The following PTPRN2 variants were observed in gnomAD, a reference collection of about 807,000 sequenced individuals.
The protein encoded by PTPRN2 is protein tyrosine phosphatase receptor type N2, also known as receptor-type tyrosine-protein phosphatase N2.
PTPRN2 carries 74 observed loss-of-function variants against 118.8 expected under a neutral mutation model. The ratio of observed to expected loss-of-function variants is 0.62; its 90% CI spans 0.52 to 0.76. The LOEUF (loss-of-function observed/expected upper bound fraction) is 0.76, where lower values mean the gene tolerates loss of function less well. PTPRN2 is among the 30% of genes least tolerant of loss of function. PTPRN2 has a pLI of 0.00. For missense variants in PTPRN2, 1,481 were observed against 1,394.4 expected, an observed-to-expected ratio of 1.06 and a Z score of -0.99; for synonymous variants, 641 against 608.0, an observed-to-expected ratio of 1.05 and a Z score of -0.80.
rs1332049554 is a variant in PTPRN2, at chr7:157,690,334, G to C, written c.1789-7397C>G. Among the ~76,000 whole-genome samples the C allele has an allele frequency of 6.6e-6, 1 of 152,210 alleles. No homozygotes were observed. Among genetic ancestry groups the C allele is most frequent in the African/African-American group, 2.4e-5 (1 of 41,462 alleles). ...TCCTGCGGCGAGGCAGAGACCCCCT[G>C]AACTGAGCTCTCCGACGCCCTAGTT... On this transcript the variant is annotated intron_variant, in intron 12 of 22. Transcript: ENST00000389418. The surrounding 1 kb of genome is among the most constrained non-coding windows in gnomAD (Gnocchi z 7.1).
At chr7:158,261,102 A>C (rs929937938) in intron 3 of PTPRN2, among the ~76,000 whole-genome samples, 7 of 152,122 alleles carry the variant, frequency 4.6e-5, no homozygotes, top group African/African-American at 1.7e-4. Flanking sequence ...CGACTGGCTG[A>C]GTCTGTGTCA....
intron 2 of PTPRN2, among the ~76,000 whole-genome samples, chr7:158,323,608 T>G (rs1418055397): frequency 6.6e-6 from 1 of 152,226 alleles, no homozygotes; most frequent in Non-Finnish European, 1.5e-5. Flanking sequence ...GCATTTTCTG[T>G]GGTTGGATTT....
intron 9 of PTPRN2, among the ~76,000 whole-genome samples, chr7:158,114,568 C>T (rs1381302859): frequency 6.6e-6 from 1 of 152,166 alleles, no homozygotes; most frequent in African/African-American, 2.4e-5. Flanking sequence ...CCAGGCTGAG[C>T]CAGGAGCTAT....
intron 13 of PTPRN2, among the ~76,000 whole-genome samples, chr7:157,673,578 C>A (rs939892172): frequency 6.6e-6 from 1 of 152,022 alleles, no homozygotes; most frequent in Admixed American, 6.5e-5. Flanking sequence ...CCTCCATTTC[C>A]CTTGTGCATC....
At chr7:157,842,045 G>C (rs924031724) in intron 12 of PTPRN2, among the ~76,000 whole-genome samples, 1 of 152,136 alleles carries the variant, frequency 6.6e-6, no homozygotes, top group Non-Finnish European at 1.5e-5. Context: ...AAGTATCTTA[G>C]ACCTCCCAGT....
Position 158,454,625 on chromosome 7 carries a change from A to G in PTPRN2, c.163+35110T>C, listed in dbSNP as rs372218233. On this transcript the variant is annotated intron_variant, in intron 2 of 22. Coordinates refer to ENST00000389418, the MANE Select transcript of PTPRN2 (RefSeq NM_002847.5). ...ACAAGACACAACGCACACAATCACC[A>G]ATGTCAGGATTGGGGATGGTTGCTA... 6.8e-3 allele frequency among the ~76,000 whole-genome samples: 847 copies of G among 124,946 alleles called. 6 individuals are homozygous for G. Among genetic ancestry groups the G allele is most frequent in the South Asian group, 0.061 (221 of 3,612 alleles). The allele number at this position is 124,946 out of a possible 152,430, so 82.0% of individuals were successfully genotyped here.
At chr7:158,121,501 A>C (rs980409887) in intron 9 of PTPRN2, among the ~76,000 whole-genome samples, 3 of 152,152 alleles carry the variant, frequency 2.0e-5, no homozygotes, top group Non-Finnish European at 4.4e-5. Flanking sequence ...CCCCCTGCGG[A>C]GCATAAGCCA....
At chr7:157,950,306 G>A (rs1421766653) in intron 11 of PTPRN2, among the ~76,000 whole-genome samples, 1 of 152,210 alleles carries the variant, frequency 6.6e-6, no homozygotes, top group Non-Finnish European at 1.5e-5. Context: ...GCGTTTCTGA[G>A]TGAACGGAGG....
chr7:157,770,910 C>T (rs1007051783), intron 12 of PTPRN2, among the ~76,000 whole-genome samples: 3 of 152,246 alleles, frequency 2.0e-5, no homozygotes, highest in Non-Finnish European at 4.4e-5. Flanking sequence ...CACCTGCCCC[C>T]GAGGTGAGAC....
chr7:157,843,817 G>A lies in PTPRN2; in HGVS notation c.1788+54856C>T, dbSNP rs187639660. Among the ~76,000 whole-genome samples, 144 of 152,322 alleles carry A rather than the reference G, an allele frequency of 9.5e-4. 1 individual carries two copies. Among genetic ancestry groups the A allele is most frequent in the African/African-American group, 3.2e-3 (133 of 41,558 alleles). On this transcript the variant is annotated intron_variant, in intron 12 of 22. Transcript: ENST00000389418. ...TTATTCCAGGACCAAGGCTTAATGC[G>A]TGGGATGTTAATTTGCTGATAGAAA...
intron 11 of PTPRN2, among the ~76,000 whole-genome samples, chr7:158,061,965 C>A (rs1388589356): frequency 6.6e-5 from 10 of 152,256 alleles, no homozygotes. Context: ...AGTGCCCATG[C>A]GTGGTGTCCC....
At chr7:158,489,818 T>G in intron 1 of PTPRN2, 33 bp from the exon 2 acceptor site, 2 of 1,552,416 alleles carry the variant, frequency 1.3e-6, no homozygotes, top group Non-Finnish European at 1.7e-6. Context: ...CGCGGTCAGC[T>G]GGAGGGGAGG....
Position 157,881,166 on chromosome 7 carries a change from G to GTCATTATGGT in PTPRN2, c.1788+17506_1788+17507insACCATAATGA, listed in dbSNP as rs1796094255. 7.0e-6 allele frequency among the ~76,000 whole-genome samples: 1 copy of GTCATTATGGT among 143,602 alleles called. No homozygotes were observed. The allele number at this position is 143,602 out of a possible 152,430, so 94.2% of individuals were successfully genotyped here. ...TATGTGGAGATGGAGGTGTTTACAG[G>GTCATTATGGT]AATCATTACGGTAAAATGAGGTCAT... On this transcript the variant is annotated intron_variant, in intron 12 of 22. Transcript: ENST00000389418. This position sits in a 1 kb window ranked among gnomAD's most constrained non-coding sequence, Gnocchi z 4.7.
intron 12 of PTPRN2, among the ~76,000 whole-genome samples, chr7:157,715,288 G>T (rs1798847233): frequency 6.6e-6 from 1 of 152,230 alleles, no homozygotes. Context: ...AGTGTTGGGA[G>T]ACAGGCCGGC....
At chr7:158,443,216 G>A (rs1024448726) in intron 2 of PTPRN2, among the ~76,000 whole-genome samples, 2 of 152,170 alleles carry the variant, frequency 1.3e-5, no homozygotes, top group African/African-American at 2.4e-5. Flanking sequence ...TGCGGAGGAC[G>A]CTCCAAGCCC....
rs932126945 is a variant in PTPRN2, at chr7:158,081,917, T to A, written c.1644-540A>T. On this transcript the variant is annotated intron_variant, in intron 10 of 22. Coordinates refer to ENST00000389418, the MANE Select transcript of PTPRN2 (RefSeq NM_002847.5). ...TTTAAATGCTATGTCAACCACAATTTTGAAAAAATACCTTACTTTTTAAAC... is the reference window on the plus strand; with the variant it reads ...TTTAAATGCTATGTCAACCACAATTATGAAAAAATACCTTACTTTTTAAAC... Among the ~76,000 whole-genome samples the A allele has an allele frequency of 1.2e-4, 19 of 152,282 alleles. 1 individual carries two copies. The highest frequency in any genetic ancestry group is 1.2e-3 in the Admixed American group (18 of 15,302).
intron 11 of PTPRN2, among the ~76,000 whole-genome samples, chr7:158,051,994 CTT>C (rs1375430189): frequency 1.3e-5 from 2 of 152,196 alleles, no homozygotes; most frequent in Non-Finnish European, 2.9e-5. Context: ...ATTTGTCTCT[CTT>C]TGTCTCTGAA....
chr7:158,108,160 GATGTCTGC>G (rs958226861), intron 10 of PTPRN2, among the ~76,000 whole-genome samples: 2 of 150,528 alleles, frequency 1.3e-5, no homozygotes, highest in Non-Finnish European at 3.0e-5. Context: ...TGCTCACCTG[GATGTCTGC>G]ATGAGCCTGC....
At chr7:157,760,228 C>G (rs760836728) in intron 12 of PTPRN2, among the ~76,000 whole-genome samples, 4 of 152,128 alleles carry the variant, frequency 2.6e-5, no homozygotes, top group Non-Finnish European at 5.9e-5. Flanking sequence ...CGCCCTGCCC[C>G]AAATCTTACA....
Sources: gnomAD v4.1 joint callset for allele counts (sites outside exome capture counted in the v4.1 genomes callset) on GRCh38, gnomAD v4.1.1 for gene constraint, Gnocchi (gnomAD v3.1) non-coding constraint, MANE v1.5 for transcripts, NCBI Gene and HGNC (gene_info 2026-07-23, HGNC 2026-07-21) for gene names.